PCDHA10: variants seen among roughly 807,000 people sequenced by gnomAD.
The protein encoded by PCDHA10 is protocadherin alpha-10.
In PCDHA10, 45 loss-of-function variants were observed where a neutral mutation model predicts 61.2. That is an observed-to-expected ratio of 0.74 (90% CI 0.58 to 0.94). The LOEUF (loss-of-function observed/expected upper bound fraction) is 0.94. Ranked by LOEUF, PCDHA10 falls within the 40% of genes least tolerant of loss-of-function variation. PCDHA10 has a pLI of 0.00. For missense variants in PCDHA10, 1,278 were observed against 1,236.2 expected (o/e 1.03, Z -0.51); for synonymous variants, 602 against 548.8 (o/e 1.10, Z -1.35).
intron 1 of PCDHA10, chr5:140,870,745 G>C (rs369212308): frequency 1.9e-6 from 3 of 1,613,530 alleles, no homozygotes; most frequent in Non-Finnish European, 2.5e-6. Context: ...GAGCAGCAAC[G>C]TGACGCTGCA....
chr5:140,966,188 T>G (rs1454663585), intron 1 of PCDHA10: 7 of 200,348 alleles, frequency 3.5e-5, no homozygotes, highest in Non-Finnish European at 6.9e-5. Context: ...ATAGCCAGAC[T>G]TCTAGGGGCT....
At chr5:140,969,468 AT>A (rs1264391543) in intron 1 of PCDHA10, 1 of 1,486,422 alleles carries the variant, frequency 6.7e-7, no homozygotes, top group Non-Finnish European at 9.0e-7. Context: ...AGTATCCACA[AT>A]TTGATCATAA....
At chr5:140,992,820 TG>T (rs1554253214) in intron 3 of PCDHA10, among the ~76,000 whole-genome samples, 1 of 152,164 alleles carries the variant, frequency 6.6e-6, no homozygotes, top group Non-Finnish European at 1.5e-5. Flanking sequence ...AGGATGTGTT[TG>T]TTTTTTGGGA....
At chr5:140,947,362 C>T (rs1378703066) in intron 1 of PCDHA10, among the ~76,000 whole-genome samples, 2 of 151,632 alleles carry the variant, frequency 1.3e-5, no homozygotes, top group Admixed American at 6.6e-5. Context: ...TATTTCACTC[C>T]TTTGATCTAT....
At chr5:140,893,204 G>A (rs1207669882) in intron 1 of PCDHA10, among the ~76,000 whole-genome samples, 1 of 152,244 alleles carries the variant, frequency 6.6e-6, no homozygotes, top group African/African-American at 2.4e-5. Context: ...GCTGCAGTAA[G>A]TATGGGAGGT....
chr5:140,989,253 G>C (rs886150768), intron 3 of PCDHA10, among the ~76,000 whole-genome samples: 1 of 152,194 alleles, frequency 6.6e-6, no homozygotes, highest in Non-Finnish European at 1.5e-5. Flanking sequence ...CTTGTCAAAA[G>C]GGAGATTCAA....
At chr5:140,891,223 C>T (rs903810382) in intron 1 of PCDHA10, among the ~76,000 whole-genome samples, 19 of 152,110 alleles carry the variant, frequency 1.2e-4, no homozygotes, top group Non-Finnish European at 2.2e-4. Flanking sequence ...TCTTTATAAT[C>T]ATCCTGTTCT....
chr5:140,967,676 G>A (rs1334899934), intron 1 of PCDHA10: 3 of 1,614,104 alleles, frequency 1.9e-6, no homozygotes, highest in African/African-American at 2.7e-5. Context: ...GTCGGACCGG[G>A]AGAGGCAGCT....
chr5:141,001,910 C>T (rs1365182561), intron 3 of PCDHA10, among the ~76,000 whole-genome samples: 1 of 152,196 alleles, frequency 6.6e-6, no homozygotes, highest in Non-Finnish European at 1.5e-5. Flanking sequence ...TTGAAAAAGA[C>T]TGCAGTGGCT....
rs782772973 is a variant in PCDHA10, at chr5:140,855,915, T to C, written c.-134T>C. 2.5e-5 allele frequency: 30 copies of C among 1,191,312 alleles called. 2 individuals are homozygous for C. Among genetic ancestry groups the C allele is most frequent in the Non-Finnish European group, 3.1e-5 (26 of 850,126 alleles). 73.8% of individuals were successfully genotyped at this position (1,191,312 alleles called of 1,614,324 possible). A position where few individuals can be genotyped will look rare whatever the true frequency, so the allele number is the denominator to read the frequency against. On this transcript the variant is annotated 5_prime_UTR_variant, in exon 1 of 4. Coordinates refer to ENST00000307360, the MANE Select transcript of PCDHA10 (RefSeq NM_018901.4). The stretch of plus-strand genomic sequence containing the variant: ...AGGCATCAGCCAGTTTCTCAAGGAC[T>C]AGGAAGTAGCGTCATTCTGAGATCT...
intron 1 of PCDHA10, chr5:140,929,006 C>G: frequency 6.2e-7 from 1 of 1,614,050 alleles, no homozygotes; most frequent in Non-Finnish European, 8.5e-7. Context: ...TTCGTGTGTA[C>G]CAAGTTGCAC....
intron 1 of PCDHA10, chr5:140,860,854 C>A (rs1554153872): frequency 1.3e-5 from 2 of 152,236 alleles, no homozygotes; most frequent in African/African-American, 4.8e-5. Flanking sequence ...TCTCCTGCCT[C>A]AGCCTCCGGA....
intron 1 of PCDHA10, chr5:140,882,816 A>G (rs2059323174): frequency 1.9e-6 from 3 of 1,614,266 alleles, no homozygotes; most frequent in Non-Finnish European, 1.7e-6. Flanking sequence ...TTGGACGCAC[A>G]AAACAGTCTT....
intron 1 of PCDHA10, among the ~76,000 whole-genome samples, chr5:140,955,244 G>A (rs1554221834): frequency 2.0e-5 from 3 of 152,072 alleles, no homozygotes; most frequent in South Asian, 2.1e-4. Flanking sequence ...GCTTAGGATC[G>A]GCTTGGCTAT....
rs544791644 is a variant in PCDHA10, at chr5:140,937,295, C to G, written c.2389-41654C>G. Among the ~76,000 whole-genome samples the G allele has an allele frequency of 1.0e-3, 157 of 152,202 alleles. 1 individual carries two copies. Among genetic ancestry groups the G allele is most frequent in the Admixed American group, 4.7e-3 (72 of 15,286 alleles). On this transcript the variant is annotated intron_variant, in intron 1 of 3. Transcript: ENST00000307360. ...CTCGTGATTCACCCGCTTCGGCCTC[C>G]CAAAGTGCTGGGATTACAGGCGTGA...
At chr5:140,966,626 C>T in intron 1 of PCDHA10, 9 of 925,184 alleles carry the variant, frequency 9.7e-6, no homozygotes, top group South Asian at 9.6e-5. Flanking sequence ...GAGGGAGCGG[C>T]CCCAGGCGCT....
chr5:140,978,188 C>A (rs1480380395), intron 1 of PCDHA10, among the ~76,000 whole-genome samples: 2 of 152,176 alleles, frequency 1.3e-5, no homozygotes, highest in Non-Finnish European at 2.9e-5. Context: ...GGCAACAGAT[C>A]TTTTCAATAC....
Position 140,969,604 on chromosome 5 carries a change from AAC to A in PCDHA10, c.2389-9341_2389-9340del. 5.2e-6 allele frequency: 4 copies of A among 765,156 alleles called. No homozygotes were observed. The South Asian group carries it at 6.3e-5, about 12-fold the overall frequency. 47.4% of individuals were successfully genotyped at this position (765,156 alleles called of 1,614,324 possible). A position where few individuals can be genotyped will look rare whatever the true frequency, so the allele number is the denominator to read the frequency against. On this transcript the variant is annotated intron_variant, in intron 1 of 3. Transcript: ENST00000307360. Reference sequence around the variant, plus strand: ...GATTAGTCTTAATATTTAATGCTAAAACACAGATTTGTAGAGAAACAGGACAG... The same window carrying A: ...GATTAGTCTTAATATTTAATGCTAAAACAGATTTGTAGAGAAACAGGACAG...
intron 1 of PCDHA10, chr5:140,869,855 T>C: frequency 6.2e-7 from 1 of 1,610,578 alleles, no homozygotes; most frequent in Non-Finnish European, 8.5e-7. Context: ...AAGGTGAGCC[T>C]TATGGAAAAT....
Sources: gnomAD v4.1 joint callset for allele counts (sites outside exome capture counted in the v4.1 genomes callset) on GRCh38, gnomAD v4.1.1 for gene constraint, MANE v1.5 for transcripts, NCBI Gene and HGNC (gene_info 2026-07-23, HGNC 2026-07-21) for gene names.